The following TBXAS1 variants were observed in gnomAD, a reference collection of about 807,000 sequenced individuals.
The protein encoded by TBXAS1 is thromboxane A synthase 1, also known as thromboxane-A synthase.
In TBXAS1, 48 loss-of-function variants were observed where a neutral mutation model predicts 60.7. That is an observed-to-expected ratio of 0.79 (90% CI 0.63 to 1.01). The LOEUF (loss-of-function observed/expected upper bound fraction) is 1.01. Ranked by LOEUF, TBXAS1 falls within the 50% of genes least tolerant of loss-of-function variation. The pLI, the probability that TBXAS1 is intolerant of heterozygous loss-of-function variation, is 0.00. For synonymous variants in TBXAS1, 287 were observed against 269.7 expected, an observed-to-expected ratio of 1.06 and a Z score of -0.63; for missense variants, 685 against 686.3, an observed-to-expected ratio of 1.00 and a Z score of 0.02.
intron 5 of TBXAS1, among the ~76,000 whole-genome samples, chr7:139,936,729 C>G (rs559628843): frequency 6.6e-6 from 1 of 152,286 alleles, no homozygotes; most frequent in Non-Finnish European, 1.5e-5. Context: ...TAACACCCGG[C>G]CAGGTAATTT....
intron 4 of TBXAS1, among the ~76,000 whole-genome samples, chr7:139,917,032 A>G (rs1202560774): frequency 6.6e-6 from 1 of 152,240 alleles, no homozygotes; most frequent in Admixed American, 6.5e-5. Context: ...ATGTGCATCA[A>G]GATTTTACTT....
At chr7:139,986,293 T>C (rs2117557696) in intron 9 of TBXAS1, among the ~76,000 whole-genome samples, 1 of 152,310 alleles carries the variant, frequency 6.6e-6, no homozygotes, top group East Asian at 1.9e-4. Context: ...AGAGTTAAGT[T>C]GACTAGGGCC....
intron 3 of TBXAS1, among the ~76,000 whole-genome samples, chr7:139,884,430 G>A (rs1318835097): frequency 6.6e-6 from 1 of 152,228 alleles, no homozygotes; most frequent in Non-Finnish European, 1.5e-5. Context: ...TCCCAGGTAG[G>A]TGTGGCCAGC....
At position 140,020,053 on chromosome 7, in the gene TBXAS1, C is replaced by T; in HGVS notation, c.1556C>T (p.Ala519Val). 4.3e-6 allele frequency: 7 copies of T among 1,613,920 alleles called. No individual in the cohort carries two copies. The highest frequency in any genetic ancestry group is 1.1e-5 in the South Asian group (1 of 91,074). ...CCGCTGCAGCTAGAATCCAAATCTG[C>T]CCTAGGTCCAAAAAATGGTGTCTAT... ...QVPLQLESKS[A>V]LGPKNGVYIK... The change falls in exon 13 of 13, where the codon GCC becomes GTC. Residue 519 changes from alanine to valine, a missense_variant. Ala to Val is a moderately conservative substitution (Grantham distance 64). Transcript: ENST00000448866.
At chr7:139,897,330 G>A (rs115801857) in intron 3 of TBXAS1, among the ~76,000 whole-genome samples, 3,494 of 151,008 alleles carry the variant, frequency 0.023, 136 homozygotes, top group African/African-American at 0.081. Flanking sequence ...GGCTCTTGGC[G>A]GTGGGGTGGG....
At chr7:139,978,818 G>T (rs541322767) in intron 9 of TBXAS1, among the ~76,000 whole-genome samples, 2 of 151,710 alleles carry the variant, frequency 1.3e-5, no homozygotes, top group South Asian at 4.2e-4. Context: ...AGCTGAGGCT[G>T]GTGGTGCGTG....
chr7:139,848,470 G>A (rs1022619876), intron 1 of TBXAS1, among the ~76,000 whole-genome samples: 1 of 152,186 alleles, frequency 6.6e-6, no homozygotes, highest in Admixed American at 6.5e-5. Context: ...CAATAATGCT[G>A]TGTAACAAAC....
chr7:139,997,441 A>G (rs899233164), intron 9 of TBXAS1, among the ~76,000 whole-genome samples: 3 of 152,192 alleles, frequency 2.0e-5, no homozygotes, highest in African/African-American at 7.2e-5. Context: ...AAAGACTCGA[A>G]TCTAGTTGAT....
At chr7:140,002,070 G>T (rs1813712496) in intron 9 of TBXAS1, among the ~76,000 whole-genome samples, 1 of 152,170 alleles carries the variant, frequency 6.6e-6, no homozygotes, top group Non-Finnish European at 1.5e-5. Context: ...CCCGGGCCTA[G>T]CACAGTGCCT....
chr7:139,898,930 C>T (rs1009795007), intron 3 of TBXAS1, among the ~76,000 whole-genome samples: 10 of 151,304 alleles, frequency 6.6e-5, no homozygotes, highest in African/African-American at 2.2e-4. Context: ...GACTCTCTGA[C>T]ACCTGCAACT....
At chr7:139,938,497 A>G (rs2117210447) in intron 5 of TBXAS1, among the ~76,000 whole-genome samples, 1 of 152,304 alleles carries the variant, frequency 6.6e-6, no homozygotes, top group South Asian at 2.1e-4. Context: ...CCCTGCTCAC[A>G]TTGATCTCTG....
chr7:139,797,379 G>C (rs1797600567), intron 4 of TBXAS1: 1 of 152,138 alleles, frequency 6.6e-6, no homozygotes, highest in African/African-American at 2.4e-5. Context: ...GCTTGCATTG[G>C]TCATTGAGGT....
rs540625396 is a variant in TBXAS1 at position 140,018,835 on chromosome 7, A to G, written c.1527+1002A>G. Among the ~76,000 whole-genome samples the G allele has an allele frequency of 1.8e-4, 28 of 152,284 alleles. No homozygotes were observed. In the South Asian group the frequency reaches 5.6e-3, roughly 30 times the overall value. The stretch of plus-strand genomic sequence containing the variant: ...CCAGGCGCATGACAGGTGCTCACTC[A>G]TTCATTCAACAAACATTAATGAGCA... On this transcript the variant is annotated intron_variant, in intron 12 of 12. Transcript: ENST00000448866.
At chr7:139,978,861 G>A (rs1468888073) in intron 9 of TBXAS1, among the ~76,000 whole-genome samples, 3 of 151,958 alleles carry the variant, frequency 2.0e-5, no homozygotes. Context: ...AGGCTGAGGT[G>A]GGAGGATTGC....
intron 5 of TBXAS1, among the ~76,000 whole-genome samples, chr7:139,949,232 A>C (rs1809002205): frequency 6.6e-6 from 1 of 152,192 alleles, no homozygotes; most frequent in Admixed American, 6.5e-5. Flanking sequence ...GTTGTGTGTA[A>C]ATCACATTTT....
intron 1 of TBXAS1, among the ~76,000 whole-genome samples, chr7:139,850,213 G>C (rs1197034907): frequency 6.6e-6 from 1 of 152,138 alleles, no homozygotes; most frequent in Non-Finnish European, 1.5e-5. Context: ...CCAGTAAGTT[G>C]CTCTGGAATC....
At chr7:140,018,745 C>T (rs1428135649) in intron 12 of TBXAS1, among the ~76,000 whole-genome samples, 1 of 152,258 alleles carries the variant, frequency 6.6e-6, no homozygotes, top group East Asian at 1.9e-4. Context: ...GGACTGCAGG[C>T]TTCGTGATGG....
intron 4 of TBXAS1, chr7:139,912,958 C>T (rs1805655825): frequency 1.6e-6 from 1 of 616,390 alleles, no homozygotes; most frequent in African/African-American, 1.8e-5. Context: ...AAGTCTAGAG[C>T]TCTTTTTACT....
chr7:139,892,934 C>A (rs144224243), intron 3 of TBXAS1, among the ~76,000 whole-genome samples: 5 of 152,250 alleles, frequency 3.3e-5, no homozygotes, highest in Non-Finnish European at 7.4e-5. Flanking sequence ...GTCCTCTCCC[C>A]TCTTTGGGCC....
Sources: gnomAD v4.1 joint callset for allele counts (sites outside exome capture counted in the v4.1 genomes callset) on GRCh38, gnomAD v4.1.1 for gene constraint, MANE v1.5 for transcripts, NCBI Gene and HGNC (gene_info 2026-07-23, HGNC 2026-07-21) for gene names.